Variants in SSBP2 observed in about 807,000 individuals in gnomAD.
SSBP2 encodes the protein single stranded DNA binding protein 2, also known as single-stranded DNA-binding protein 2.
Under a neutral mutation model 61.8 loss-of-function variants are expected in SSBP2, and 17 were observed. The ratio of observed to expected loss-of-function variants is 0.28; its 90% confidence interval spans 0.19 to 0.41. The LOEUF (loss-of-function observed/expected upper bound fraction) is 0.41. SSBP2 is among the 10% of genes least tolerant of loss of function. The pLI, the probability that SSBP2 is intolerant of heterozygous loss-of-function variation, is 1.00. For synonymous variants in SSBP2, 139 were observed against 141.3 expected, an observed-to-expected ratio of 0.98 and a Z score of 0.12; for missense variants, 310 against 458.7, an observed-to-expected ratio of 0.68 and a Z score of 2.96.
intron 4 of SSBP2, among the ~76,000 whole-genome samples, chr5:81,564,896 G>T (rs1232248961): frequency 6.6e-6 from 1 of 152,174 alleles, no homozygotes; most frequent in African/African-American, 2.4e-5. Flanking sequence ...CTTGCCAGCT[G>T]CTGCCAAAGA....
chr5:81,636,673 T>C lies in SSBP2; in HGVS notation c.136-55A>G, dbSNP rs547609715. 2.3e-6 allele frequency: 3 copies of C among 1,300,114 alleles called. No individual in the cohort carries two copies. In the African/African-American group the frequency reaches 4.4e-5, roughly 19 times the overall value. The allele number at this position is 1,300,114 out of a possible 1,614,324, so 80.5% of individuals were successfully genotyped here. ...CTAATAATACTTTTTTCCACACATA[T>C]TACAAAGTAATAATATCCCCATTTA... On this transcript the variant is annotated intron_variant, in intron 2 of 16. Transcript: ENST00000320672.
intron 5 of SSBP2, among the ~76,000 whole-genome samples, chr5:81,511,840 C>T (rs1210673187): frequency 6.6e-6 from 1 of 152,174 alleles, no homozygotes; most frequent in African/African-American, 2.4e-5. Flanking sequence ...ACTACAGTGC[C>T]TGGCATATAG....
intron 4 of SSBP2, among the ~76,000 whole-genome samples, chr5:81,578,717 AC>A (rs2153466293): frequency 6.6e-6 from 1 of 152,202 alleles, no homozygotes; most frequent in South Asian, 2.1e-4. Context: ...AAGGTAAATC[AC>A]AAAAAGTAGA....
At chr5:81,692,822 A>AGATCCCTAT (rs1181291928) in intron 1 of SSBP2, among the ~76,000 whole-genome samples, 1 of 152,226 alleles carries the variant, frequency 6.6e-6, no homozygotes, top group Non-Finnish European at 1.5e-5. Flanking sequence ...GAATGAAACA[A>AGATCCCTAT]GATCCCTATT....
intron 1 of SSBP2, 158 bp downstream of exon 1, chr5:81,750,823 C>T (rs1757715541): frequency 3.6e-6 from 3 of 836,962 alleles, no homozygotes; most frequent in African/African-American, 3.4e-5. Flanking sequence ...AGCGCAGCTC[C>T]CCGCACCACA....
At chr5:81,472,593 A>T (rs1765320615) in intron 8 of SSBP2, among the ~76,000 whole-genome samples, 2 of 151,992 alleles carry the variant, frequency 1.3e-5, no homozygotes, top group Admixed American at 6.6e-5. Context: ...ACTGGGTTTT[A>T]TTTATTTATT....
At chr5:81,599,205 C>T (rs1265575745) in intron 4 of SSBP2, among the ~76,000 whole-genome samples, 1 of 152,042 alleles carries the variant, frequency 6.6e-6, no homozygotes, top group Non-Finnish European at 1.5e-5. Context: ...TTTTCCCAGG[C>T]AAGAAATTGT....
At chr5:81,512,972 G>C (rs1337928929) in intron 5 of SSBP2, among the ~76,000 whole-genome samples, 1 of 151,910 alleles carries the variant, frequency 6.6e-6, no homozygotes, top group Non-Finnish European at 1.5e-5. Flanking sequence ...ATTTATGTTG[G>C]TTTGAGTTAG....
Position 81,442,712 on chromosome 5 carries a change from A to G in SSBP2, c.790T>C (p.Ser264Pro), listed in dbSNP as rs762372735. The change falls in exon 13 of 17, where the codon TCT becomes CCT. Residue 264 changes from serine (S) to proline (P), a missense_variant. Physicochemically the swap from Ser to Pro is moderately conservative, Grantham distance 74. Coordinates refer to ENST00000320672, the MANE Select transcript of SSBP2 (RefSeq NM_012446.5). ...ATTAAAGTATACATGTTATCACCAG[A>G]GTTGGTTGAATCTGAAACAAAATAT... The G allele has an allele frequency of 3.8e-6, 6 of 1,566,576 alleles. No homozygotes were observed. The highest frequency in any genetic ancestry group is 4.4e-6 in the Non-Finnish European group (5 of 1,148,816).
At chr5:81,593,041 C>T (rs938351451) in intron 4 of SSBP2, among the ~76,000 whole-genome samples, 9 of 152,114 alleles carry the variant, frequency 5.9e-5, no homozygotes, top group African/African-American at 1.9e-4. Flanking sequence ...TCAAACTACT[C>T]TGAGCTACAG....
intron 4 of SSBP2, among the ~76,000 whole-genome samples, chr5:81,522,632 C>T (rs1398986161): frequency 1.3e-5 from 2 of 152,004 alleles, no homozygotes; most frequent in Non-Finnish European, 2.9e-5. Context: ...AATTTTCAGA[C>T]TATGAAGAAC....
In SSBP2 at chr5:81,432,826, C is replaced by T. The variant is rs563512160; in HGVS notation, c.958-4143G>A. Among the ~76,000 whole-genome samples the T allele has an allele frequency of 5.2e-3, 778 of 150,972 alleles. 6 individuals are homozygous for T. Among genetic ancestry groups the T allele is most frequent in the African/African-American group, 0.018 (732 of 41,094 alleles). ...GAGGTGGGGGAGTCAGCCCCCCGCC[C>T]GGCCAGCCGCCCCGTCCGGGAGGTG... On this transcript the variant is annotated intron_variant, in intron 15 of 16. Transcript: ENST00000320672.
chr5:81,602,988 C>T (rs936524907), intron 4 of SSBP2, among the ~76,000 whole-genome samples: 1 of 152,216 alleles, frequency 6.6e-6, no homozygotes, highest in African/African-American at 2.4e-5. Context: ...TTTCTACCCA[C>T]CAGCTGGTCC....
chr5:81,486,713 G>C (rs757193079), intron 6 of SSBP2, among the ~76,000 whole-genome samples: 2 of 152,036 alleles, frequency 1.3e-5, no homozygotes, highest in Non-Finnish European at 2.9e-5. Context: ...TAAAATTCCC[G>C]TATGTTGTAA....
At chr5:81,663,231 T>C (rs921858145) in intron 1 of SSBP2, among the ~76,000 whole-genome samples, 1 of 152,208 alleles carries the variant, frequency 6.6e-6, no homozygotes, top group African/African-American at 2.4e-5. Flanking sequence ...AGGTAAATAC[T>C]GCCTTTTAAT....
intron 3 of SSBP2, among the ~76,000 whole-genome samples, chr5:81,620,553 C>T: frequency 2.3e-5 from 2 of 85,664 alleles, no homozygotes; most frequent in African/African-American, 1.0e-4. Flanking sequence ...AGATTCAATG[C>T]CATCCCCATC....
At chr5:81,631,517 A>T (rs1747720170) in intron 3 of SSBP2, among the ~76,000 whole-genome samples, 1 of 151,664 alleles carries the variant, frequency 6.6e-6, no homozygotes, top group African/African-American at 2.4e-5. Context: ...GTCCATGTAA[A>T]TACATGGACT....
intron 1 of SSBP2, among the ~76,000 whole-genome samples, chr5:81,711,054 A>G (rs1191741495): frequency 6.6e-6 from 1 of 152,100 alleles, no homozygotes; most frequent in Non-Finnish European, 1.5e-5. Flanking sequence ...ATTTAATAAC[A>G]ATAAAAATAA....
chr5:81,666,865 C>G (rs1751178416), intron 1 of SSBP2, among the ~76,000 whole-genome samples: 1 of 152,122 alleles, frequency 6.6e-6, no homozygotes, highest in African/African-American at 2.4e-5. Flanking sequence ...CCTTTATATC[C>G]TCCCAAGACA....
Sources: allele counts gnomAD v4.1 joint callset (sites outside exome capture counted in the v4.1 genomes callset), GRCh38; gene constraint gnomAD v4.1.1; transcripts MANE v1.5; gene names NCBI Gene and HGNC (gene_info 2026-07-23, HGNC 2026-07-21).